Variants in SLC10A7 observed in about 807,000 individuals in gnomAD.
SLC10A7 encodes the protein solute carrier family 10 member 7.
In SLC10A7, 29 loss-of-function variants were observed where a neutral mutation model predicts 43.2. The ratio of observed to expected loss-of-function variants is 0.67; its 90% CI spans 0.50 to 0.92. SLC10A7 has a LOEUF of 0.92. Among genes scored for constraint, SLC10A7 ranks in the 40% least tolerant of loss-of-function variants. The pLI, the probability that SLC10A7 is intolerant of heterozygous loss-of-function variation, is 0.00. For synonymous variants in SLC10A7, 152 were observed against 144.8 expected (o/e 1.05, Z -0.35); for missense variants, 295 against 403.2 (o/e 0.73, Z 2.30).
At chr4:146,490,312 T>G (rs186176472) in intron 4 of SLC10A7, among the ~76,000 whole-genome samples, 1 of 152,310 alleles carries the variant, frequency 6.6e-6, no homozygotes. Flanking sequence ...TGAGTATTCA[T>G]GAGGGCTTAT....
chr4:146,445,321 G>A (rs1231060647), intron 4 of SLC10A7, among the ~76,000 whole-genome samples: 1 of 152,130 alleles, frequency 6.6e-6, no homozygotes, highest in East Asian at 1.9e-4. Flanking sequence ...TTACTTGGCC[G>A]CCGTGCTCCA....
At chr4:146,470,511 A>C (rs1243519718) in intron 4 of SLC10A7, among the ~76,000 whole-genome samples, 1 of 152,136 alleles carries the variant, frequency 6.6e-6, no homozygotes, top group African/African-American at 2.4e-5. Context: ...AGGACTGCTC[A>C]GATAGAGTTG....
rs181842140 is a variant in SLC10A7 at position 146,496,661 on chromosome 4, T to C, written c.396+7188A>G. Among the ~76,000 whole-genome samples, 298 of 152,256 alleles carry C rather than the reference T, an allele frequency of 2.0e-3. 2 individuals are homozygous for C. The highest frequency in any genetic ancestry group is 3.4e-3 in the Non-Finnish European group (228 of 68,028). On this transcript the variant is annotated intron_variant, in intron 4 of 11. Transcript: ENST00000335472. ...AGCATACCCCTTTTTTTCCAACCAT[T>C]TTTCTCCACAACTATCCATTTATTT...
chr4:146,333,028 T>C (rs1236928109), intron 5 of SLC10A7, among the ~76,000 whole-genome samples: 2 of 152,206 alleles, frequency 1.3e-5, no homozygotes, highest in Non-Finnish European at 1.5e-5. Flanking sequence ...CCATGTATCC[T>C]ATATTACTGG....
At chr4:146,444,681 A>T (rs1730888110) in intron 4 of SLC10A7, among the ~76,000 whole-genome samples, 1 of 152,184 alleles carries the variant, frequency 6.6e-6, no homozygotes, top group Non-Finnish European at 1.5e-5. Flanking sequence ...TTAGGTACCC[A>T]AAGACGATGC....
rs948223329 is a variant in SLC10A7, at chr4:146,503,845, T to C, written c.396+4A>G. 6.2e-7 allele frequency: 1 copy of C among 1,613,324 alleles called. No homozygotes were observed. Among genetic ancestry groups the C allele is most frequent in the African/African-American group, 1.3e-5 (1 of 74,902 alleles). On this transcript the variant is annotated splice_donor_region_variant and intron_variant, in intron 4 of 11. Transcript: ENST00000335472. ...TGTTTAAATAAGGTAGCCCCATGAC[T>C]CACCTCATTTCCACCAACTGCCTTG...
chr4:146,455,156 A>G (rs1359036032), intron 4 of SLC10A7, among the ~76,000 whole-genome samples: 1 of 151,896 alleles, frequency 6.6e-6, no homozygotes, highest in Non-Finnish European at 1.5e-5. Flanking sequence ...AATAAATACC[A>G]TAGAGTACCA....
At chr4:146,505,850 T>C (rs1368153792) in intron 3 of SLC10A7, among the ~76,000 whole-genome samples, 1 of 152,224 alleles carries the variant, frequency 6.6e-6, no homozygotes, top group African/African-American at 2.4e-5. Context: ...CTTTACATAC[T>C]ATCTCATTTA....
chr4:146,292,070 G>C (rs1730478508), intron 9 of SLC10A7, among the ~76,000 whole-genome samples: 1 of 152,224 alleles, frequency 6.6e-6, no homozygotes, highest in Non-Finnish European at 1.5e-5. Flanking sequence ...GAGAAAGCAT[G>C]AGGTCTTTCC....
At chr4:146,473,605 T>C (rs1433871602) in intron 4 of SLC10A7, among the ~76,000 whole-genome samples, 1 of 152,162 alleles carries the variant, frequency 6.6e-6, no homozygotes, top group Non-Finnish European at 1.5e-5. Flanking sequence ...TAATTTGACA[T>C]TTAATTTAAC....
intron 5 of SLC10A7, among the ~76,000 whole-genome samples, chr4:146,392,934 T>C (rs931244644): frequency 6.6e-6 from 1 of 152,102 alleles, no homozygotes; most frequent in African/African-American, 2.4e-5. Flanking sequence ...CACAATGGCT[T>C]TCTTTTAGTT....
chr4:146,417,312 T>C (rs1402620343), intron 5 of SLC10A7, among the ~76,000 whole-genome samples: 1 of 152,204 alleles, frequency 6.6e-6, no homozygotes, highest in Non-Finnish European at 1.5e-5. Flanking sequence ...TTAAGCCACA[T>C]AACAGACGTT....
At chr4:146,433,330 A>G (rs978883017) in intron 5 of SLC10A7, among the ~76,000 whole-genome samples, 4 of 151,416 alleles carry the variant, frequency 2.6e-5, no homozygotes, top group African/African-American at 9.7e-5. Flanking sequence ...CCCGGTACAT[A>G]TTCTCTGGCT....
intron 5 of SLC10A7, among the ~76,000 whole-genome samples, chr4:146,404,476 ATGTGTGTGTGTGTGTGTGTG>A (rs34519773): frequency 7.1e-5 from 10 of 141,564 alleles, no homozygotes; most frequent in Admixed American, 7.0e-4. Context: ...CTGCTCATTT[ATGTGTGTGTGTGTGTGTGTG>A]TGTGTGTGTG....
chr4:146,398,316 T>C (rs186828502), intron 5 of SLC10A7, among the ~76,000 whole-genome samples: 17 of 152,328 alleles, frequency 1.1e-4, no homozygotes, highest in Non-Finnish European at 2.2e-4. Context: ...CATTTATACA[T>C]ACACAGAAAA....
chr4:146,277,167 A>T (rs1477236777), intron 10 of SLC10A7, among the ~76,000 whole-genome samples: 1 of 152,172 alleles, frequency 6.6e-6, no homozygotes, highest in African/African-American at 2.4e-5. Context: ...TTTGACGTGG[A>T]GGAAGAAGAG....
At chr4:146,510,113 AC>A in intron 2 of SLC10A7, 64 bp from the exon 3 acceptor site, 1 of 1,473,272 alleles carries the variant, frequency 6.8e-7, no homozygotes, top group Non-Finnish European at 9.1e-7. Flanking sequence ...GGAGATCCCT[AC>A]TAAAATAACA....
intron 5 of SLC10A7, among the ~76,000 whole-genome samples, chr4:146,341,988 G>A (rs1277485888): frequency 6.6e-6 from 1 of 151,604 alleles, no homozygotes; most frequent in Non-Finnish European, 1.5e-5. Flanking sequence ...TCTCAACTCA[G>A]AAACATTAGC....
intron 10 of SLC10A7, among the ~76,000 whole-genome samples, 154 bp from the exon 11 acceptor site, chr4:146,258,991 A>AC (rs1180961949): frequency 6.6e-6 from 1 of 152,244 alleles, no homozygotes; most frequent in African/African-American, 2.4e-5. Flanking sequence ...GAAATGGGTC[A>AC]CCAAAACTTT....
Sources: gnomAD v4.1 joint callset for allele counts (sites outside exome capture counted in the v4.1 genomes callset) on GRCh38, gnomAD v4.1.1 for gene constraint, MANE v1.5 for transcripts, NCBI Gene and HGNC (gene_info 2026-07-23, HGNC 2026-07-21) for gene names.